Variants in CAMKK2 observed in about 807,000 individuals in gnomAD.
CAMKK2 encodes calcium/calmodulin dependent protein kinase kinase 2, also known as calcium/calmodulin-dependent protein kinase kinase 2.
CAMKK2 carries 30 observed loss-of-function variants against 67.2 expected under a neutral mutation model. The observed-to-expected ratio is 0.45, with a 90% CI of 0.33 to 0.61. The LOEUF (loss-of-function observed/expected upper bound fraction) is 0.61. Ranked by LOEUF, CAMKK2 falls within the 20% of genes least tolerant of loss-of-function variation. The pLI is 0.02. For synonymous variants in CAMKK2, 322 were observed against 326.2 expected (o/e 0.99, Z 0.14); for missense variants, 643 against 802.0 (o/e 0.80, Z 2.39).
chr12:121,245,243 G>C lies in CAMKK2; in HGVS notation c.1453-3C>G. On this transcript the variant is annotated splice_region_variant and splice_polypyrimidine_tract_variant and intron_variant, in intron 14 of 16. Coordinates refer to ENST00000404169, the MANE Select transcript of CAMKK2 (RefSeq NM_001270485.2). This position sits in a 1 kb window ranked among gnomAD's most constrained non-coding sequence, Gnocchi z 5.8. ...CGTATCATGGTCTTCACCAGGATCT[G>C]AAGAGGGAGAAAAGAGGAGGTGGCA... is the stretch of plus-strand genomic sequence containing the variant. 6 of 1,588,438 alleles carry C rather than the reference G, an allele frequency of 3.8e-6. No individual in the cohort carries two copies. The highest frequency in any genetic ancestry group is 5.2e-6 in the Non-Finnish European group (6 of 1,162,966).
At chr12:121,272,817 G>A (rs1896031772) in intron 2 of CAMKK2, among the ~76,000 whole-genome samples, 1 of 151,980 alleles carries the variant, frequency 6.6e-6, no homozygotes, top group Non-Finnish European at 1.5e-5. Context: ...AGGTTGCAGT[G>A]AGCCAAAATC....
chr12:121,254,187 G>A (rs565335505), intron 9 of CAMKK2, among the ~76,000 whole-genome samples: 6 of 152,254 alleles, frequency 3.9e-5, no homozygotes, highest in Admixed American at 3.9e-4. Context: ...GGCCGGGCAC[G>A]GTGGCTCACG....
At chr12:121,269,420 G>GC in intron 4 of CAMKK2, 108 bp downstream of exon 4, 1 of 849,194 alleles carries the variant, frequency 1.2e-6, no homozygotes, top group African/African-American at 1.7e-5. Context: ...CATGACCTAA[G>GC]AATAAAATGA....
intron 3 of CAMKK2, 30 bp downstream of exon 3, chr12:121,270,868 G>A (rs1451391099): frequency 6.3e-7 from 1 of 1,598,522 alleles, no homozygotes; most frequent in East Asian, 2.2e-5. Context: ...GGTGAATGCA[G>A]AAAGCCAGCC....
chr12:121,249,717 G>A, intron 13 of CAMKK2, 70 bp downstream of exon 13: 1 of 1,236,506 alleles, frequency 8.1e-7, no homozygotes, highest in Non-Finnish European at 1.2e-6. Flanking sequence ...ACACAAGGGT[G>A]TGGGGTCTGG....
rs1330985881 is a variant in CAMKK2 at position 121,238,080 on chromosome 12, T to A, written c.*2619A>T. On this transcript the variant is annotated 3_prime_UTR_variant, in exon 17 of 17. Coordinates refer to ENST00000404169, the MANE Select transcript of CAMKK2 (RefSeq NM_001270485.2). ...GACAGGCCAGGCCTGTGTGTCCACC[T>A]GCACAGGCATTCTCCTTGTTCCAGA... The A allele has an allele frequency of 6.6e-6, 1 of 152,546 alleles. No homozygotes were observed. The highest frequency in any genetic ancestry group is 1.9e-4 in the East Asian group (1 of 5,180). 9.4% of individuals were successfully genotyped at this position (152,546 alleles called of 1,614,324 possible).
intron 1 of CAMKK2, among the ~76,000 whole-genome samples, chr12:121,276,233 C>CA (rs1344586201): frequency 2.7e-5 from 4 of 150,656 alleles, no homozygotes; most frequent in Non-Finnish European, 5.9e-5. Context: ...TTTGGGAGGC[C>CA]AAGGCAGGTG....
chr12:121,252,045 T>C (rs936347820), intron 11 of CAMKK2, among the ~76,000 whole-genome samples: 5 of 152,166 alleles, frequency 3.3e-5, no homozygotes, highest in Non-Finnish European at 7.4e-5. Context: ...AGCACAGTTA[T>C]TGATTAGTGA....
At chr12:121,269,714 A>G in intron 3 of CAMKK2, 133 bp from the exon 4 acceptor site, 1 of 701,258 alleles carries the variant, frequency 1.4e-6, no homozygotes. Flanking sequence ...GTTGGAGCCC[A>G]GGTTTTTACA....
At chr12:121,279,145 G>A (rs754705018) in intron 1 of CAMKK2, among the ~76,000 whole-genome samples, 86 of 152,208 alleles carry the variant, frequency 5.7e-4, no homozygotes, top group Non-Finnish European at 1.1e-3. Flanking sequence ...GCTTTTAATC[G>A]GCCTCCTTGG....
intron 1 of CAMKK2, among the ~76,000 whole-genome samples, chr12:121,280,076 T>A (rs1037622465): frequency 6.6e-6 from 1 of 152,214 alleles, no homozygotes; most frequent in East Asian, 1.9e-4. Context: ...ACGGACGATG[T>A]CCTGCCCGGG....
intron 1 of CAMKK2, among the ~76,000 whole-genome samples, chr12:121,293,570 C>G (rs1900538564): frequency 6.6e-6 from 1 of 151,950 alleles, no homozygotes; most frequent in African/African-American, 2.4e-5. Flanking sequence ...TGAAAACAGG[C>G]TTGGCCTGCC....
At chr12:121,297,236 G>C (rs1382453761), upstream of CAMKK2, 1 of 184,926 alleles carries the variant, frequency 5.4e-6, no homozygotes. Context: ...CCCCCAAGCC[G>C]GCAAGAACAC....
At chr12:121,261,587 G>A (rs1893467978) in intron 6 of CAMKK2, among the ~76,000 whole-genome samples, 1 of 152,226 alleles carries the variant, frequency 6.6e-6, no homozygotes, top group South Asian at 2.1e-4. Flanking sequence ...CTAGCAGCCT[G>A]AAGCCCTGAG....
At chr12:121,244,029 T>TGAAG (rs1172904887) in intron 16 of CAMKK2, 80 of 1,569,902 alleles carry the variant, frequency 5.1e-5, no homozygotes, top group Middle Eastern at 1.7e-4. Context: ...GCTATGTGTA[T>TGAAG]GAAGGAAGGG....
chr12:121,252,418 G>A (rs770703065), intron 11 of CAMKK2, among the ~76,000 whole-genome samples: 3 of 152,306 alleles, frequency 2.0e-5, no homozygotes, highest in South Asian at 2.1e-4. Flanking sequence ...ATAGGCATGC[G>A]CCATCACGCC....
intron 1 of CAMKK2, among the ~76,000 whole-genome samples, chr12:121,282,112 G>A (rs975115369): frequency 5.3e-5 from 8 of 152,182 alleles, no homozygotes; most frequent in Admixed American, 2.0e-4. Context: ...GACCTACAGG[G>A]TGAGTAGATA....
chr12:121,252,000 A>T (rs951207033), intron 11 of CAMKK2, among the ~76,000 whole-genome samples: 2 of 152,184 alleles, frequency 1.3e-5, no homozygotes, highest in Non-Finnish European at 2.9e-5. Flanking sequence ...CCTGACGGAA[A>T]GAACATCAGA....
At chr12:121,287,853 T>A (rs1235624304) in intron 1 of CAMKK2, among the ~76,000 whole-genome samples, 1 of 152,124 alleles carries the variant, frequency 6.6e-6, no homozygotes, top group African/African-American at 2.4e-5. Flanking sequence ...ACACCTGTGG[T>A]CCCAGCTCCG....
Sources: gnomAD v4.1 joint callset for allele counts (sites outside exome capture counted in the v4.1 genomes callset) on GRCh38, gnomAD v4.1.1 for gene constraint, Gnocchi (gnomAD v3.1) non-coding constraint, MANE v1.5 for transcripts, NCBI Gene and HGNC (gene_info 2026-07-23, HGNC 2026-07-21) for gene names.